Variants in TNKS observed in about 807,000 individuals in gnomAD.
TNKS encodes the protein tankyrase, also known as poly [ADP-ribose] polymerase tankyrase-1.
In TNKS, 72 loss-of-function variants were observed where a neutral mutation model predicts 135.8. That is an observed-to-expected ratio of 0.53 (90% CI 0.44 to 0.64). TNKS has a LOEUF of 0.64. TNKS is among the 30% of genes least tolerant of loss of function. TNKS has a pLI of 0.00. For synonymous variants in TNKS, 849 were observed against 649.3 expected, an observed-to-expected ratio of 1.31 and a Z score of -4.68; for missense variants, 1,769 against 1,674.0, an observed-to-expected ratio of 1.06 and a Z score of -0.99.
intron 25 of TNKS, among the ~76,000 whole-genome samples, chr8:9,768,071 C>G (rs1480876023): frequency 6.6e-6 from 1 of 151,208 alleles, no homozygotes; most frequent in African/African-American, 2.4e-5. Context: ...CCTCTGGAGA[C>G]AAAAATGAAC....
In TNKS at chr8:9,726,702, A is replaced by C; in HGVS notation, c.1983A>C (p.Gly661=). 1 of 1,613,334 alleles carries C rather than the reference A, an allele frequency of 6.2e-7. No homozygotes were observed. Among genetic ancestry groups the C allele is most frequent in the Non-Finnish European group, 8.5e-7 (1 of 1,179,726 alleles). Residue 661 remains glycine (G), a synonymous_variant, in exon 13 of 27, where the codon GGA becomes GGC. Coordinates refer to ENST00000310430, the MANE Select transcript of TNKS (RefSeq NM_003747.3). ...DYRLLEASKA[G]DLETVKQLCS... ...GACTCTTAGAGGCATCTAAAGCTGG[A>C]GACTTGGAAACTGTGAAGGTAAGTC...
chr8:9,774,145 T>C (rs1235302410), intron 26 of TNKS, among the ~76,000 whole-genome samples: 1 of 152,186 alleles, frequency 6.6e-6, no homozygotes, highest in South Asian at 2.1e-4. Context: ...AAGATGTCAG[T>C]GGTATTTGTT....
Position 9,714,474 on chromosome 8 carries a change from C to G in TNKS, c.1749+4254C>G, listed in dbSNP as rs191137283. ...AAATGTGTATGTACTATGTATTTCC[C>G]TTTAATTATCTAAATTTTATAAGAC... On this transcript the variant is annotated intron_variant, in intron 11 of 26. Coordinates refer to ENST00000310430, the MANE Select transcript of TNKS (RefSeq NM_003747.3). 1.4e-3 allele frequency among the ~76,000 whole-genome samples: 220 copies of G among 152,180 alleles called. 1 individual carries two copies. Among genetic ancestry groups the G allele is most frequent in the African/African-American group, 5.2e-3 (216 of 41,506 alleles).
At chr8:9,563,705 C>A (rs571675585) in intron 1 of TNKS, among the ~76,000 whole-genome samples, 10 of 152,248 alleles carry the variant, frequency 6.6e-5, no homozygotes, top group African/African-American at 2.4e-4. Context: ...GCTATACGTT[C>A]ATATCTTGTA....
chr8:9,692,132 C>A (rs995812736), intron 5 of TNKS, among the ~76,000 whole-genome samples: 14 of 152,244 alleles, frequency 9.2e-5, no homozygotes, highest in African/African-American at 3.4e-4. Flanking sequence ...GTTACTGAGG[C>A]TTGGCTTACG....
At position 9,740,780 on chromosome 8, in the gene TNKS, A is replaced by G. The variant is rs535146847; in HGVS notation, c.2643+5294A>G. ...CTACCAAAGACTTAGCATGCTAAAT[A>G]TTTGCTGCTAACATACTACATATAC... On this transcript the variant is annotated intron_variant, in intron 17 of 26. Transcript: ENST00000310430. 7 of 144,278 alleles carry G rather than the reference A, an allele frequency of 4.9e-5. No individual in the cohort carries two copies. The South Asian group carries it at 1.5e-3, about 32-fold the overall frequency. 8.9% of individuals were successfully genotyped at this position (144,278 alleles called of 1,614,324 possible).
chr8:9,577,130 C>CTTTG (rs60926648), intron 1 of TNKS, among the ~76,000 whole-genome samples: 42,997 of 150,546 alleles, frequency 0.29, 6,431 homozygotes, highest in East Asian at 0.38. Flanking sequence ...TTTTTTGCCT[C>CTTTG]TTTGTAAAGC....
At chr8:9,651,075 C>G (rs183865965) in intron 3 of TNKS, among the ~76,000 whole-genome samples, 123 of 152,218 alleles carry the variant, frequency 8.1e-4, no homozygotes, top group African/African-American at 2.8e-3. Context: ...ACTACGGTGT[C>G]CTTTCTTCAC....
intron 3 of TNKS, among the ~76,000 whole-genome samples, chr8:9,663,088 A>G (rs1801806477): frequency 6.6e-6 from 1 of 152,244 alleles, no homozygotes; most frequent in Non-Finnish European, 1.5e-5. Context: ...ATGCATGGCC[A>G]CAAGCCAAGG....
intron 14 of TNKS, among the ~76,000 whole-genome samples, chr8:9,732,540 A>G (rs767250267): frequency 7.3e-5 from 11 of 151,070 alleles, no homozygotes; most frequent in African/African-American, 2.7e-4. Flanking sequence ...ATTTGCTTCT[A>G]TTGCTCATTT....
At chr8:9,776,597 T>G in intron 26 of TNKS, 53 bp from the exon 27 acceptor site, 1 of 1,549,460 alleles carries the variant, frequency 6.5e-7, no homozygotes, top group Non-Finnish European at 8.9e-7. Flanking sequence ...CGGCAAGGCT[T>G]TAATATTGTG....
intron 3 of TNKS, among the ~76,000 whole-genome samples, chr8:9,634,634 A>G (rs1425803678): frequency 6.6e-6 from 1 of 152,150 alleles, no homozygotes; most frequent in African/African-American, 2.4e-5. Flanking sequence ...GACAGAGGAG[A>G]AACTTGTGGA....
rs138774352 is a variant in TNKS, at chr8:9,771,457, A to AGAAGGAAGGGAGGGAGAGAAGAAG, written c.3897+1200_3897+1201insAAGGGAGGGAGAGAAGAAGGAAGG. Among the ~76,000 whole-genome samples the AGAAGGAAGGGAGGGAGAGAAGAAG allele has an allele frequency of 1.2e-4, 12 of 102,142 alleles. 1 individual carries two copies. Among genetic ancestry groups the AGAAGGAAGGGAGGGAGAGAAGAAG allele is most frequent in the Admixed American group, 9.9e-5 (1 of 10,084 alleles). The allele number at this position is 102,142 out of a possible 152,430, so 67.0% of individuals were successfully genotyped here. On this transcript the variant is annotated intron_variant, in intron 26 of 26. Transcript: ENST00000310430. Reference sequence around the variant, plus strand: ...GACAGAGGAAAGGAAAAGAGAGAGAAGAAGGGAGGGAGAGAAGAAGGAAGG... The same window carrying AGAAGGAAGGGAGGGAGAGAAGAAG: ...GACAGAGGAAAGGAAAAGAGAGAGAAGAAGGAAGGGAGGGAGAGAAGAAGGAAGGGAGGGAGAGAAGAAGGAAGG...
intron 26 of TNKS, among the ~76,000 whole-genome samples, chr8:9,772,954 G>C (rs189553802): frequency 6.7e-6 from 1 of 150,094 alleles, no homozygotes; most frequent in African/African-American, 2.5e-5. Context: ...CTTCCCAAAC[G>C]TAGATCTGGG....
At chr8:9,768,004 TA>T (rs1261727437) in intron 25 of TNKS, among the ~76,000 whole-genome samples, 1 of 150,982 alleles carries the variant, frequency 6.6e-6, no homozygotes, top group African/African-American at 2.4e-5. Flanking sequence ...CAAGAATGTA[TA>T]GCATGTAAAA....
intron 22 of TNKS, among the ~76,000 whole-genome samples, 163 bp downstream of exon 22, chr8:9,763,407 C>T (rs960886091): frequency 1.3e-5 from 2 of 152,088 alleles, no homozygotes; most frequent in Non-Finnish European, 2.9e-5. Flanking sequence ...AATATGACGG[C>T]GCCCCATGGT....
Position 9,764,756 on chromosome 8 carries a change from C to T in TNKS, c.3413C>T (p.Ala1138Val). Reference sequence around the variant, plus strand: ...CGAGAACACAGAGATGGTGGTAATGCTGGCGGCATCTTCAACAGATACAAT... The same window carrying T: ...CGAGAACACAGAGATGGTGGTAATGTTGGCGGCATCTTCAACAGATACAAT... ...TIREHRDGGN[A>V]GGIFNRYNVI... Residue 1138 changes from alanine to valine, a missense_variant, in exon 23 of 27, where the codon GCT becomes GTT. Physicochemically the swap from Ala to Val is moderately conservative, Grantham distance 64 (BLOSUM62 0). Coordinates refer to ENST00000310430, the MANE Select transcript of TNKS (RefSeq NM_003747.3). The T allele has an allele frequency of 6.3e-7, 1 of 1,598,660 alleles. No individual in the cohort carries two copies. The highest frequency in any genetic ancestry group is 8.5e-7 in the Non-Finnish European group (1 of 1,174,292).
chr8:9,648,567 C>G (rs1170231988), intron 3 of TNKS, among the ~76,000 whole-genome samples: 1 of 152,138 alleles, frequency 6.6e-6, no homozygotes, highest in Non-Finnish European at 1.5e-5. Context: ...TTATCATTTT[C>G]AAGTATTATG....
At chr8:9,665,645 T>C (rs879657678) in intron 3 of TNKS, among the ~76,000 whole-genome samples, 3 of 152,192 alleles carry the variant, frequency 2.0e-5, no homozygotes, top group Non-Finnish European at 2.9e-5. Flanking sequence ...GGCATATACA[T>C]GTGAATGAGG....
Sources: allele counts gnomAD v4.1 joint callset (sites outside exome capture counted in the v4.1 genomes callset), GRCh38; gene constraint gnomAD v4.1.1; transcripts MANE v1.5; gene names NCBI Gene and HGNC (gene_info 2026-07-23, HGNC 2026-07-21).